The following ZFHX4 variants were observed in gnomAD, a reference collection of about 807,000 sequenced individuals.
ZFHX4 encodes the protein zinc finger homeobox 4.
A neutral mutation model predicts 267.6 loss-of-function variants in ZFHX4; 56 were observed. That is an observed-to-expected ratio of 0.21 (90% confidence interval 0.17 to 0.26). ZFHX4 has a LOEUF of 0.26. Ranked by LOEUF, ZFHX4 falls within the 10% of genes least tolerant of loss-of-function variation. The pLI is 1.00. For missense variants in ZFHX4, 4,332 were observed against 4,420.0 expected (o/e 0.98, Z 0.56); for synonymous variants, 1,778 against 1,665.6 (o/e 1.07, Z -1.64).
chr8:76,681,403 C>T lies in ZFHX4; in HGVS notation c.-264C>T, dbSNP rs1340897655. ...ACAGCGAGACCGCGGTCGGCACATG[C>T]TTTAACTCCTCCCGGACCCCCGAGG... On this transcript the variant is annotated 5_prime_UTR_variant, in exon 1 of 11. Coordinates refer to ENST00000651372, the MANE Select transcript of ZFHX4 (RefSeq NM_024721.5). 2.5e-6 allele frequency: 1 copy of T among 398,820 alleles called. No individual in the cohort carries two copies. Among genetic ancestry groups the T allele is most frequent in the East Asian group, 3.6e-5 (1 of 28,060 alleles). The allele number at this position is 398,820 out of a possible 1,614,324, so 24.7% of individuals were successfully genotyped here.
rs1012882663 is a variant in ZFHX4 at position 76,867,050 on chromosome 8, A to G, written c.*2485A>G. Reference sequence around the variant, plus strand: ...AAACCAAAAATGTTATTGATGTTTTATATATAGAGAGTAGTCTCATTAGTT... The same window carrying G: ...AAACCAAAAATGTTATTGATGTTTTGTATATAGAGAGTAGTCTCATTAGTT... On this transcript the variant is annotated 3_prime_UTR_variant, in exon 11 of 11. Transcript: ENST00000651372. 6.6e-6 allele frequency: 1 copy of G among 152,644 alleles called. No individual in the cohort carries two copies. The highest frequency in any genetic ancestry group is 2.4e-5 in the African/African-American group (1 of 41,464). The allele number at this position is 152,644 out of a possible 1,614,324, so 9.5% of individuals were successfully genotyped here.
At chr8:76,784,071 A>G (rs1810623278) in intron 4 of ZFHX4, among the ~76,000 whole-genome samples, 1 of 151,978 alleles carries the variant, frequency 6.6e-6, no homozygotes, top group Admixed American at 6.6e-5. Context: ...GTGCAGGAGT[A>G]TCTTTTTCTA....
intron 4 of ZFHX4, among the ~76,000 whole-genome samples, chr8:76,832,271 T>A (rs1811955866): frequency 6.6e-6 from 1 of 152,176 alleles, no homozygotes; most frequent in Admixed American, 6.6e-5. Flanking sequence ...TTGATAACAA[T>A]CTGGTCTTTT....
At chr8:76,806,275 T>C (rs1415370742) in intron 4 of ZFHX4, among the ~76,000 whole-genome samples, 3 of 152,108 alleles carry the variant, frequency 2.0e-5, no homozygotes, top group Non-Finnish European at 4.4e-5. Context: ...GTTATTAAGA[T>C]GATAACGAGT....
intron 1 of ZFHX4, among the ~76,000 whole-genome samples, chr8:76,690,669 T>G (rs1346110461): frequency 6.6e-6 from 1 of 151,970 alleles, no homozygotes; most frequent in Non-Finnish European, 1.5e-5. Context: ...TGGATACAAC[T>G]GTGTTTCATC....
At chr8:76,764,381 C>T (rs547325459) in intron 3 of ZFHX4, among the ~76,000 whole-genome samples, 24 of 152,078 alleles carry the variant, frequency 1.6e-4, no homozygotes, top group Non-Finnish European at 2.9e-4. Flanking sequence ...CTAGTCAGTT[C>T]TCTAGTTTCA....
chr8:76,806,637 G>T (rs1811252702), intron 4 of ZFHX4, among the ~76,000 whole-genome samples: 1 of 151,914 alleles, frequency 6.6e-6, no homozygotes, highest in East Asian at 1.9e-4. Flanking sequence ...GAGATTAAAA[G>T]AACTAAGCTT....
At chr8:76,695,148 G>C (rs1191383283) in intron 1 of ZFHX4, among the ~76,000 whole-genome samples, 1 of 152,092 alleles carries the variant, frequency 6.6e-6, no homozygotes, top group Non-Finnish European at 1.5e-5. Flanking sequence ...CATGAGGATA[G>C]GCACATTTCT....
intron 4 of ZFHX4, among the ~76,000 whole-genome samples, chr8:76,798,767 C>T (rs1563528940): frequency 6.6e-6 from 1 of 152,192 alleles, no homozygotes; most frequent in Non-Finnish European, 1.5e-5. Flanking sequence ...AATTTGACTA[C>T]TTCCCATCTA....
intron 10 of ZFHX4, among the ~76,000 whole-genome samples, chr8:76,857,414 C>CATTTTTACAAGTTGA (rs1812762628): frequency 6.8e-6 from 1 of 147,584 alleles, no homozygotes; most frequent in South Asian, 2.1e-4. Flanking sequence ...AAGCTTTTTT[C>CATTTTTACAAGTTGA]ATTTTTACAA....
intron 3 of ZFHX4, among the ~76,000 whole-genome samples, chr8:76,771,129 A>G (rs1810252974): frequency 6.6e-6 from 1 of 152,184 alleles, no homozygotes; most frequent in Admixed American, 6.5e-5. Flanking sequence ...AAGAGTGTTA[A>G]GTAGAGATGT....
chr8:76,839,222 C>G (rs1478616461), intron 5 of ZFHX4, among the ~76,000 whole-genome samples: 1 of 152,054 alleles, frequency 6.6e-6, no homozygotes, highest in Non-Finnish European at 1.5e-5. Context: ...CCAATTGTTT[C>G]TTATTGTTCA....
intron 3 of ZFHX4, among the ~76,000 whole-genome samples, chr8:76,757,081 G>C (rs139450410): frequency 6.6e-6 from 1 of 152,118 alleles, no homozygotes; most frequent in African/African-American, 2.4e-5. Flanking sequence ...TCAAGCAGGG[G>C]TTTCCAGGCA....
chr8:76,796,829 G>A (rs1007813649), intron 4 of ZFHX4, among the ~76,000 whole-genome samples: 5 of 152,160 alleles, frequency 3.3e-5, no homozygotes, highest in African/African-American at 9.7e-5. Context: ...TTACCACACC[G>A]TGAAGAGGTG....
At chr8:76,716,638 A>G (rs1291757549) in intron 3 of ZFHX4, among the ~76,000 whole-genome samples, 2 of 152,130 alleles carry the variant, frequency 1.3e-5, no homozygotes, top group Non-Finnish European at 2.9e-5. Context: ...CACTTCTTCA[A>G]GCAAGCAGAT....
intron 3 of ZFHX4, among the ~76,000 whole-genome samples, chr8:76,741,634 CAAAG>C (rs1809317595): frequency 6.6e-6 from 1 of 152,162 alleles, no homozygotes; most frequent in Admixed American, 6.5e-5. Context: ...GCGGGAAGAA[CAAAG>C]AAAGGTGCCC....
intron 3 of ZFHX4, among the ~76,000 whole-genome samples, chr8:76,766,021 T>C (rs569550119): frequency 6.6e-6 from 1 of 152,242 alleles, no homozygotes; most frequent in African/African-American, 2.4e-5. Context: ...AAAACCTTTC[T>C]AATGTATCTA....
At chr8:76,735,571 T>A (rs1199312179) in intron 3 of ZFHX4, among the ~76,000 whole-genome samples, 1 of 152,146 alleles carries the variant, frequency 6.6e-6, no homozygotes, top group Non-Finnish European at 1.5e-5. Flanking sequence ...GTTTTAAAAC[T>A]GTAAAGAAAG....
At chr8:76,731,650 A>C (rs1047654176) in intron 3 of ZFHX4, among the ~76,000 whole-genome samples, 5 of 152,116 alleles carry the variant, frequency 3.3e-5, no homozygotes, top group Admixed American at 2.0e-4. Flanking sequence ...CAAATTTTGA[A>C]ATTAAATAAG....
Sources: gnomAD v4.1 joint callset for allele counts (sites outside exome capture counted in the v4.1 genomes callset) on GRCh38, gnomAD v4.1.1 for gene constraint, MANE v1.5 for transcripts, NCBI Gene and HGNC (gene_info 2026-07-23, HGNC 2026-07-21) for gene names.